The following ATAT1 variants were observed in gnomAD, a reference collection of about 807,000 sequenced individuals.
ATAT1 encodes the protein alpha-tubulin N-acetyltransferase 1.
In ATAT1, 42 loss-of-function variants were observed where a neutral mutation model predicts 57.2. The observed-to-expected ratio is 0.73, with a 90% CI of 0.57 to 0.95. ATAT1 has a LOEUF of 0.95. Ranked by LOEUF, ATAT1 falls within the 40% of genes least tolerant of loss-of-function variation. ATAT1 has a pLI of 0.00. For missense variants in ATAT1, 454 were observed against 523.7 expected (o/e 0.87, Z 1.30); for synonymous variants, 168 against 187.1 (o/e 0.90, Z 0.83).
intron 10 of ATAT1, among the ~76,000 whole-genome samples, chr6:30,645,201 C>T (rs910342268): frequency 6.6e-6 from 1 of 151,928 alleles, no homozygotes; most frequent in African/African-American, 2.4e-5. Context: ...CTTCCTATTT[C>T]CCTCTGGTCT....
chr6:30,645,790 C>CT, intron 10 of ATAT1, 105 bp from the exon 11 acceptor site: 2 of 794,968 alleles, frequency 2.5e-6, no homozygotes, highest in Non-Finnish European at 3.7e-6. Context: ...ACCCCCTTCT[C>CT]TTTGTTCCTG....
Position 30,626,988 on chromosome 6 carries a change from G to A in ATAT1, c.-216G>A. 1 of 1,594,380 alleles carries A rather than the reference G, an allele frequency of 6.3e-7. No individual in the cohort carries two copies. The highest frequency in any genetic ancestry group is 8.5e-7 in the Non-Finnish European group (1 of 1,170,268). ...CCGCCGACCCGGAACCACAACGCCG[G>A]CCCGGTGACAGCTCAAACCCACCCT... is the stretch of plus-strand genomic sequence containing the variant. On this transcript the variant is annotated 5_prime_UTR_variant, in exon 1 of 13. Coordinates refer to ENST00000330083, the MANE Select transcript of ATAT1 (RefSeq NM_001031722.4).
chr6:30,642,833 GCCCACCCAC>G lies in ATAT1; in HGVS notation c.758_766del (p.His253_Pro255del). The G allele has an allele frequency of 6.5e-7, 1 of 1,537,808 alleles. No individual in the cohort carries two copies. Among genetic ancestry groups the G allele is most frequent in the Non-Finnish European group, 8.7e-7 (1 of 1,145,720 alleles). On this transcript the variant is annotated inframe_deletion, in exon 10 of 13. Transcript: ENST00000330083. ...GGCCCCTCGCCGCGCCACACCTCCA[GCCCACCCAC>G]CCCCCCGCTCCAGCAGCCTGGGAAA...
chr6:30,642,831 C>CGGGGGGGGGGGGCG lies in ATAT1; in HGVS notation c.752_753insGGGGGGGGGGGGCG (p.Ala252GlyfsTer72). On this transcript the variant is annotated frameshift_variant, in exon 10 of 13. Coordinates refer to ENST00000330083, the MANE Select transcript of ATAT1 (RefSeq NM_001031722.4). LOFTEE classifies it high-confidence loss of function. The stretch of plus-strand genomic sequence containing the variant: ...AGGGCCCCTCGCCGCGCCACACCTC[C>CGGGGGGGGGGGGCG]AGCCCACCCACCCCCCCGCTCCAGC... The CGGGGGGGGGGGGCG allele has an allele frequency of 6.3e-7, 1 of 1,583,212 alleles. No homozygotes were observed. The highest frequency in any genetic ancestry group is 8.6e-7 in the Non-Finnish European group (1 of 1,162,438).
chr6:30,630,327 T>C (rs1762579439), intron 6 of ATAT1, among the ~76,000 whole-genome samples: 1 of 149,088 alleles, frequency 6.7e-6, no homozygotes, highest in Admixed American at 6.7e-5. Flanking sequence ...TCTCCAAAAA[T>C]GAAAACAAAA....
chr6:30,636,994 G>A (rs1764240874), intron 6 of ATAT1, among the ~76,000 whole-genome samples: 1 of 151,888 alleles, frequency 6.6e-6, no homozygotes, highest in African/African-American at 2.4e-5. Context: ...GTGTTGATGA[G>A]GTTTCACCAT....
intron 6 of ATAT1, among the ~76,000 whole-genome samples, chr6:30,639,154 G>T (rs1009768837): frequency 4.6e-5 from 7 of 151,944 alleles, no homozygotes; most frequent in African/African-American, 1.7e-4. Flanking sequence ...CTAATTTTTT[G>T]TATTTATAAT....
chr6:30,643,452 G>A lies in ATAT1; in HGVS notation c.932+441G>A, dbSNP rs1765966755. ...TTTCTCTCCCTTTCTCTTCACCTCT[G>A]ACTTCTCTGTTTTTCTCTCCCCCGC... On this transcript the variant is annotated intron_variant, in intron 10 of 12. Coordinates refer to ENST00000330083, the MANE Select transcript of ATAT1 (RefSeq NM_001031722.4). 5.8e-6 allele frequency: 9 copies of A among 1,544,660 alleles called. No individual in the cohort carries two copies. The South Asian group carries it at 8.4e-5, about 14-fold the overall frequency.
At chr6:30,629,549 T>C (rs1346904376) in intron 6 of ATAT1, among the ~76,000 whole-genome samples, 1 of 149,716 alleles carries the variant, frequency 6.7e-6, no homozygotes, top group East Asian at 2.0e-4. Flanking sequence ...ACAACCCTTA[T>C]GCCTAATTTT....
rs1158469100 is a variant in ATAT1, at chr6:30,628,033, A to G, written c.287A>G (p.Asp96Gly). 6.2e-7 allele frequency: 1 copy of G among 1,612,794 alleles called. No individual in the cohort carries two copies. The highest frequency in any genetic ancestry group is 1.1e-5 in the South Asian group (1 of 91,082). Residue 96 changes from aspartate to glycine, a missense_variant and splice_region_variant, in exon 5 of 13, where the codon GAT becomes GGT. Physicochemically the swap from Asp to Gly is moderately conservative, Grantham distance 94 (BLOSUM62 -1). Coordinates refer to ENST00000330083, the MANE Select transcript of ATAT1 (RefSeq NM_001031722.4). The stretch of plus-strand genomic sequence containing the variant: ...ACATTTTTATTGTTTCTCTCTTAGG[A>G]TGATCGTGAGGCTCATAATGAGGTA...
intron 6 of ATAT1, among the ~76,000 whole-genome samples, chr6:30,636,343 G>C (rs1764065588): frequency 6.6e-6 from 1 of 152,048 alleles, no homozygotes; most frequent in East Asian, 1.9e-4. Context: ...CCAGCACTTT[G>C]GGAGGCCAAG....
intron 10 of ATAT1, among the ~76,000 whole-genome samples, 165 bp from the exon 11 acceptor site, chr6:30,645,730 G>T (rs751364400): frequency 3.9e-5 from 6 of 152,120 alleles, no homozygotes; most frequent in African/African-American, 1.4e-4. Context: ...AACTTCCCCC[G>T]CCCTTTTCTG....
Position 30,642,759 on chromosome 6 carries a change from T to C in ATAT1, c.689-9T>C, listed in dbSNP as rs1422381953. Reference sequence around the variant, plus strand: ...TTTCTGTCTTGCTCTTCATTCTCCCTGTCCCCAGTTCTGAAGGTAGCTGTG... The same window carrying C: ...TTTCTGTCTTGCTCTTCATTCTCCCCGTCCCCAGTTCTGAAGGTAGCTGTG... On this transcript the variant is annotated splice_polypyrimidine_tract_variant and intron_variant, in intron 9 of 12. Coordinates refer to ENST00000330083, the MANE Select transcript of ATAT1 (RefSeq NM_001031722.4). The C allele has an allele frequency of 4.4e-6, 7 of 1,576,492 alleles. No homozygotes were observed. Among genetic ancestry groups the C allele is most frequent in the East Asian group, 2.2e-5 (1 of 44,722 alleles).
chr6:30,642,712 A>T, intron 9 of ATAT1, 56 bp from the exon 10 acceptor site: 1 of 1,078,704 alleles, frequency 9.3e-7, no homozygotes, highest in Non-Finnish European at 1.4e-6. Flanking sequence ...TGCTGTCATG[A>T]CTCTCTTCCT....
In ATAT1 at chr6:30,640,519, G is replaced by A. The variant is rs766769783; in HGVS notation, c.548-16G>A. 1.6e-5 allele frequency: 26 copies of A among 1,612,852 alleles called. No individual in the cohort carries two copies. Among genetic ancestry groups the A allele is most frequent in the African/African-American group, 1.2e-4 (9 of 74,898 alleles). On this transcript the variant is annotated splice_polypyrimidine_tract_variant and intron_variant, in intron 7 of 12. Coordinates refer to ENST00000330083, the MANE Select transcript of ATAT1 (RefSeq NM_001031722.4). The stretch of plus-strand genomic sequence containing the variant: ...CGACCCCTCACTGAGGGGCCCCGCC[G>A]CTTCCTTCCTCACAGGGCCCCCTGC...
In ATAT1 at chr6:30,627,050, C is replaced by T. The variant is rs3814959; in HGVS notation, c.-154C>T. The T allele has an allele frequency of 6.5e-3, 10,059 of 1,548,732 alleles. 141 individuals are homozygous for T. The highest frequency in any genetic ancestry group is 0.032 in the Middle Eastern group (192 of 5,956). ...CTCCCGGTTCCTCTCCAAACCTGGT[C>T]CAGGCACCACGCCCCCTTCTCACTG... On this transcript the variant is annotated 5_prime_UTR_variant, in exon 1 of 13. Transcript: ENST00000330083.
chr6:30,641,923 G>A, intron 8 of ATAT1: 1 of 1,315,746 alleles, frequency 7.6e-7, no homozygotes, highest in Non-Finnish European at 9.7e-7. Context: ...CAGGCCCCCA[G>A]AGTCTCCCCT....
rs1251122858 is a variant in ATAT1, at chr6:30,627,747, C to T, written c.224+20C>T. The T allele has an allele frequency of 6.2e-7, 1 of 1,608,494 alleles. No homozygotes were observed. The highest frequency in any genetic ancestry group is 1.3e-5 in the African/African-American group (1 of 74,926). ...CCGACCGTGAGTGCCACATGCTCTT[C>T]CATCCCATACTTAATTCCTTCCTTC... On this transcript the variant is annotated intron_variant, in intron 3 of 12. Transcript: ENST00000330083.
chr6:30,627,100 C>G lies in ATAT1; in HGVS notation c.-104C>G. 1 of 1,568,094 alleles carries G rather than the reference C, an allele frequency of 6.4e-7. No homozygotes were observed. The highest frequency in any genetic ancestry group is 8.7e-7 in the Non-Finnish European group (1 of 1,155,046). The stretch of plus-strand genomic sequence containing the variant: ...GACTAGTGATCGCCCCTTTTGATGT[C>G]CAGGCCTGCCTTTTTGGTGACCTCT... On this transcript the variant is annotated 5_prime_UTR_variant, in exon 1 of 13. Transcript: ENST00000330083.
Sources: gnomAD v4.1 joint callset for allele counts (sites outside exome capture counted in the v4.1 genomes callset) on GRCh38, gnomAD v4.1.1 for gene constraint, MANE v1.5 for transcripts, NCBI Gene and HGNC (gene_info 2026-07-23, HGNC 2026-07-21) for gene names.